Variants in SPAST observed in about 807,000 individuals in gnomAD.
SPAST encodes spastin, also known as spastic paraplegia 4 (autosomal dominant; spastin).
A neutral mutation model predicts 76.6 loss-of-function variants in SPAST; 30 were observed. The ratio of observed to expected loss-of-function variants is 0.39; its 90% CI spans 0.29 to 0.53. The LOEUF is 0.53. Among genes scored for constraint, SPAST ranks in the 20% least tolerant of loss-of-function variants. SPAST has a pLI of 0.68. For missense variants in SPAST, 717 were observed against 770.5 expected (o/e 0.93, Z 0.82); for synonymous variants, 305 against 281.0 (o/e 1.09, Z -0.86).
intron 1 of SPAST, 41 bp downstream of exon 1, chr2:32,064,287 G>C: frequency 1.6e-6 from 1 of 632,840 alleles, no homozygotes; most frequent in Non-Finnish European, 2.7e-6. Context: ...GCGCCGGGAA[G>C]AAGGCGGTGG....
At position 32,083,776 on chromosome 2, in the gene SPAST, A is replaced by ATTTT. The variant is rs1178658126; in HGVS notation, c.416-3704_416-3701dup. Among the ~76,000 whole-genome samples, 54 of 46,030 alleles carry ATTTT rather than the reference A, an allele frequency of 1.2e-3. 1 individual carries two copies. The highest frequency in any genetic ancestry group is 1.8e-3 in the African/African-American group (20 of 11,260). 30.2% of individuals were successfully genotyped at this position (46,030 alleles called of 152,430 possible). On this transcript the variant is annotated intron_variant, in intron 1 of 16. Transcript: ENST00000315285. ...TATATATATATATATATATATATAT[A>ATTTT]TTTTTTTTTTTTTTTGAGATGAAGT...
chr2:32,152,706 A>G (rs1204665668), intron 16 of SPAST, among the ~76,000 whole-genome samples: 1 of 151,540 alleles, frequency 6.6e-6, no homozygotes, highest in African/African-American at 2.4e-5. Context: ...TAGGGTTCAT[A>G]TAGTGCTTAT....
intron 1 of SPAST, among the ~76,000 whole-genome samples, chr2:32,083,688 A>G (rs950904984): frequency 2.2e-5 from 3 of 139,280 alleles, no homozygotes; most frequent in East Asian, 4.1e-4. Flanking sequence ...TTTATGCTAT[A>G]TATAGAGTAT....
chr2:32,102,090 A>G (rs1210138028), intron 4 of SPAST, among the ~76,000 whole-genome samples: 1 of 152,148 alleles, frequency 6.6e-6, no homozygotes, highest in African/African-American at 2.4e-5. Flanking sequence ...CATGATATTG[A>G]TTCTTCCTAT....
chr2:32,079,823 G>T (rs557967799), intron 1 of SPAST, among the ~76,000 whole-genome samples: 3 of 152,308 alleles, frequency 2.0e-5, no homozygotes, highest in Admixed American at 1.3e-4. Flanking sequence ...ATGAGCCACT[G>T]TGTGCAGCCC....
intron 1 of SPAST, among the ~76,000 whole-genome samples, chr2:32,070,418 A>G (rs2148692562): frequency 6.6e-6 from 1 of 152,236 alleles, no homozygotes; most frequent in Middle Eastern, 3.4e-3. Flanking sequence ...TTTATCTGAA[A>G]CCAAACTATT....
chr2:32,116,068 A>G (rs1448071019), intron 6 of SPAST, 51 bp from the exon 7 acceptor site: 2 of 1,326,616 alleles, frequency 1.5e-6, no homozygotes, highest in African/African-American at 2.9e-5. Flanking sequence ...TCATCTTGTA[A>G]TAACTGGGCC....
At chr2:32,089,199 A>ATTTTTTTTTTTTTT (rs375585004) in intron 2 of SPAST, among the ~76,000 whole-genome samples, 1 of 89,914 alleles carries the variant, frequency 1.1e-5, no homozygotes, top group Non-Finnish European at 2.3e-5. Context: ...TGCTCGGCTA[A>ATTTTTTTTTTTTTT]TTTTTTTTTT....
chr2:32,071,891 A>T (rs956692882), intron 1 of SPAST, among the ~76,000 whole-genome samples: 1 of 152,158 alleles, frequency 6.6e-6, no homozygotes, highest in Non-Finnish European at 1.5e-5. Flanking sequence ...CAGACTCTTA[A>T]GTTAATTTTC....
intron 1 of SPAST, among the ~76,000 whole-genome samples, chr2:32,073,692 G>A (rs1033641990): frequency 6.6e-5 from 10 of 152,122 alleles, no homozygotes; most frequent in Non-Finnish European, 8.8e-5. Flanking sequence ...ATATGCTGAC[G>A]TAGCCTTTTT....
intron 7 of SPAST, among the ~76,000 whole-genome samples, chr2:32,117,271 T>A (rs895157591): frequency 2.0e-5 from 3 of 151,668 alleles, no homozygotes; most frequent in Non-Finnish European, 2.9e-5. Context: ...AATAAAAATT[T>A]AAAAAGATAA....
chr2:32,079,742 A>G (rs916489250), intron 1 of SPAST, among the ~76,000 whole-genome samples: 12 of 152,088 alleles, frequency 7.9e-5, no homozygotes, highest in Admixed American at 7.2e-4. Flanking sequence ...TACTTTTTGT[A>G]GAGATAGGGT....
At chr2:32,064,834 T>C (rs139303120) in intron 1 of SPAST, among the ~76,000 whole-genome samples, 2 of 152,176 alleles carry the variant, frequency 1.3e-5, no homozygotes, top group African/African-American at 4.8e-5. Context: ...AGCATAAAAC[T>C]TTTCCCCCTG....
At chr2:32,109,446 A>G (rs902762427) in intron 4 of SPAST, among the ~76,000 whole-genome samples, 25 of 152,110 alleles carry the variant, frequency 1.6e-4, no homozygotes, top group African/African-American at 5.5e-4. Flanking sequence ...AAAGAAAAGA[A>G]TATTCCCCTT....
chr2:32,128,171 T>A (rs376189552), intron 8 of SPAST: 73 of 438,382 alleles, frequency 1.7e-4, no homozygotes, highest in South Asian at 1.5e-3. Context: ...ATTTTTGTAT[T>A]TTTATTAGAG....
rs546159212 is a variant in SPAST, at chr2:32,125,334, A to G, written c.1099-1614A>G. Among the ~76,000 whole-genome samples, 17 of 151,928 alleles carry G rather than the reference A, an allele frequency of 1.1e-4. No homozygotes were observed. The East Asian group carries it at 2.9e-3, about 26-fold the overall frequency. On this transcript the variant is annotated intron_variant, in intron 7 of 16. Coordinates refer to ENST00000315285, the MANE Select transcript of SPAST (RefSeq NM_014946.4). ...CGCCTCCAGGGTTCAAGCGATTCTC[A>G]TGCCTCAACCTCCCGAGTAGCTGAG...
At position 32,116,089 on chromosome 2, in the gene SPAST, C is replaced by T. The variant is rs550175269; in HGVS notation, c.1005-30C>T. The T allele has an allele frequency of 2.2e-5, 33 of 1,499,458 alleles. No individual in the cohort carries two copies. The South Asian group carries it at 2.6e-4, about 12-fold the overall frequency. 92.9% of individuals were successfully genotyped at this position (1,499,458 alleles called of 1,614,324 possible). A position where few individuals can be genotyped will look rare whatever the true frequency, so the allele number is the denominator to read the frequency against. ...TGTAATAACTGGGCCCTGTTTGTATCGTAGAACTAACTGAGGTCTTGTTTC... is the reference window on the plus strand; with the variant it reads ...TGTAATAACTGGGCCCTGTTTGTATTGTAGAACTAACTGAGGTCTTGTTTC... On this transcript the variant is annotated intron_variant, in intron 6 of 16. Coordinates refer to ENST00000315285, the MANE Select transcript of SPAST (RefSeq NM_014946.4).
chr2:32,110,787 T>G (rs923770366), intron 4 of SPAST, among the ~76,000 whole-genome samples: 11 of 140,264 alleles, frequency 7.8e-5, no homozygotes, highest in Non-Finnish European at 1.2e-4. Flanking sequence ...ATACTATATA[T>G]AGTATAGTAT....
chr2:32,079,335 G>C (rs1159697048), intron 1 of SPAST, among the ~76,000 whole-genome samples: 1 of 151,714 alleles, frequency 6.6e-6, no homozygotes, highest in East Asian at 2.0e-4. Context: ...GGGCAATATA[G>C]TGAGAGACCC....
Sources: allele counts gnomAD v4.1 joint callset (sites outside exome capture counted in the v4.1 genomes callset), GRCh38; gene constraint gnomAD v4.1.1; transcripts MANE v1.5; gene names NCBI Gene and HGNC (gene_info 2026-07-23, HGNC 2026-07-21).